RNF128: variants seen among roughly 807,000 people sequenced by gnomAD.
RNF128 encodes the protein ring finger protein 128.
Under a neutral mutation model 26.2 loss-of-function variants are expected in RNF128, and 13 were observed. The observed-to-expected ratio is 0.50, with a 90% confidence interval of 0.32 to 0.79. The LOEUF (loss-of-function observed/expected upper bound fraction) is 0.79. RNF128 is among the 30% of genes least tolerant of loss of function. RNF128 has a pLI of 0.03. For missense variants in RNF128, 315 were observed against 349.7 expected (o/e 0.90, Z 0.79); for synonymous variants, 149 against 142.5 (o/e 1.05, Z -0.32).
At chrX:106,732,536 G>T (rs754585267) in intron 1 of RNF128, among the ~76,000 whole-genome samples, 1 of 111,450 alleles carries the variant, frequency 9.0e-6, no homozygotes, top group African/African-American at 3.3e-5. Context: ...AATTCATCGA[G>T]CATTTATCAA....
At chrX:106,773,203 G>C in intron 2 of RNF128, 43 bp downstream of exon 2, 1 of 1,143,977 alleles carries the variant, frequency 8.7e-7, no homozygotes, top group Non-Finnish European at 1.2e-6. Flanking sequence ...AAAATTTACT[G>C]TTCTAATTGT....
At chrX:106,695,165 G>T (rs1462974380) in intron 1 of RNF128, among the ~76,000 whole-genome samples, 1 of 110,218 alleles carries the variant, frequency 9.1e-6, no homozygotes, top group African/African-American at 3.3e-5. Context: ...CAATGAAGAA[G>T]TAAACTTCTG....
intron 1 of RNF128, among the ~76,000 whole-genome samples, chrX:106,769,941 C>T (rs199985025): frequency 2.8e-5 from 3 of 107,671 alleles, no homozygotes; most frequent in Non-Finnish European, 1.9e-5. Flanking sequence ...GTAAGGCAGG[C>T]CTGGTGGTGA....
chrX:106,706,860 A>G (rs1006316706), intron 1 of RNF128, among the ~76,000 whole-genome samples: 2 of 112,092 alleles, frequency 1.8e-5, no homozygotes, highest in African/African-American at 6.5e-5. Context: ...AAACTACGGT[A>G]GTAGCAAGAT....
intron 1 of RNF128, among the ~76,000 whole-genome samples, chrX:106,711,693 C>T (rs928588183): frequency 9.0e-6 from 1 of 110,993 alleles, no homozygotes; most frequent in East Asian, 2.8e-4. Flanking sequence ...GTTTATTTTT[C>T]CATATTTTTT....
chrX:106,747,048 A>G (rs1424810951), intron 1 of RNF128, among the ~76,000 whole-genome samples: 1 of 112,159 alleles, frequency 8.9e-6, no homozygotes, highest in African/African-American at 3.2e-5. Context: ...ACAAAGTGGT[A>G]TAAATACACT....
At chrX:106,715,350 T>C (rs1245071646) in intron 1 of RNF128, among the ~76,000 whole-genome samples, 1 of 112,597 alleles carries the variant, frequency 8.9e-6, no homozygotes, top group Non-Finnish European at 1.9e-5. Flanking sequence ...TATTTCCTCT[T>C]TGGTGAAATG....
rs55658305 is a variant in RNF128, at chrX:106,738,815, AAATT to A, written c.484+11421_484+11424del. Among the ~76,000 whole-genome samples, 450 of 111,676 alleles carry A rather than the reference AAATT, an allele frequency of 4.0e-3. 1 individual carries two copies. The highest frequency in any genetic ancestry group is 6.1e-3 in the South Asian group (16 of 2,614). On this transcript the variant is annotated intron_variant, in intron 1 of 6. Coordinates refer to ENST00000255499, the MANE Select transcript of RNF128 (RefSeq NM_194463.2). ...ATGTCATAGGGTTATTGTGAGGTGTAAATTAAATAATATATGTACAGTGCTCAGT... is the reference window on the plus strand; with the variant it reads ...ATGTCATAGGGTTATTGTGAGGTGTAAAATAATATATGTACAGTGCTCAGT...
intron 1 of RNF128, among the ~76,000 whole-genome samples, chrX:106,711,086 T>TA (rs113608978): frequency 8.1e-4 from 90 of 111,739 alleles, no homozygotes; most frequent in African/African-American, 9.1e-4. Context: ...TAATTTTTGC[T>TA]AAAAAAAATC....
Position 106,701,611 on chromosome X carries a change from T to G in RNF128, c.406+7203T>G, listed in dbSNP as rs182382685. Among the ~76,000 whole-genome samples the G allele has an allele frequency of 2.3e-4, 26 of 111,085 alleles. 1 individual carries two copies. The highest frequency in any genetic ancestry group is 1.5e-3 in the Admixed American group (16 of 10,418). The stretch of plus-strand genomic sequence containing the variant: ...AAGAAACAATAGGTAAAAGGGACAA[T>G]TTTGGGTTATTTTCCAAATACAATT... On this transcript the variant is annotated intron_variant, in intron 1 of 6. Transcript: ENST00000324342.
chrX:106,767,806 A>T (rs1334242022), intron 1 of RNF128, among the ~76,000 whole-genome samples: 1 of 111,480 alleles, frequency 9.0e-6, no homozygotes, highest in Non-Finnish European at 1.9e-5. Flanking sequence ...TTTCAAAGGG[A>T]ATGCTTCCAG....
chrX:106,726,893 G>A lies in RNF128; in HGVS notation c.-21G>A. 8.6e-7 allele frequency: 1 copy of A among 1,157,372 alleles called. No homozygotes were observed. The highest frequency in any genetic ancestry group is 2.0e-5 in the South Asian group (1 of 50,149). On this transcript the variant is annotated 5_prime_UTR_variant, in exon 1 of 7. Transcript: ENST00000255499. ...GAGGGCGCGTGCCAGGGGCGCTAGG[G>A]AACTGCGGAGCGCGCGCGCCATGGG...
At chrX:106,793,422 T>G (rs1461990486) in intron 6 of RNF128, among the ~76,000 whole-genome samples, 3 of 111,610 alleles carry the variant, frequency 2.7e-5, no homozygotes, top group Non-Finnish European at 3.8e-5. Context: ...TCAAAAATAA[T>G]ACAAAGAATG....
At chrX:106,777,432 G>A (rs1955260152) in intron 2 of RNF128, among the ~76,000 whole-genome samples, 1 of 111,967 alleles carries the variant, frequency 8.9e-6, no homozygotes, top group South Asian at 3.7e-4. Context: ...GTTGGCTTCT[G>A]CAAGTATTAG....
At chrX:106,704,311 T>C (rs1304061400) in intron 1 of RNF128, among the ~76,000 whole-genome samples, 1 of 109,099 alleles carries the variant, frequency 9.2e-6, no homozygotes, top group Non-Finnish European at 1.9e-5. Flanking sequence ...CTGGCGCCTG[T>C]AGTCCCAGCT....
chrX:106,753,555 TCACAAAACAAC>T (rs1227001512), intron 1 of RNF128, among the ~76,000 whole-genome samples: 1 of 107,800 alleles, frequency 9.3e-6, no homozygotes, highest in Non-Finnish European at 1.9e-5. Context: ...AAGGAAGAGA[TCACAAAACAAC>T]CAGAAAACAA....
At chrX:106,749,036 AT>A (rs1285067327) in intron 1 of RNF128, among the ~76,000 whole-genome samples, 1 of 111,825 alleles carries the variant, frequency 8.9e-6, no homozygotes, top group African/African-American at 3.2e-5. Context: ...AAGGAAGTGA[AT>A]TTTTTTCTCA....
chrX:106,703,891 C>T (rs909724533), intron 1 of RNF128, among the ~76,000 whole-genome samples: 1 of 109,834 alleles, frequency 9.1e-6, no homozygotes, highest in African/African-American at 3.3e-5. Context: ...CAGAGTATGG[C>T]CATGGCAGTG....
chrX:106,698,649 T>C (rs1456195698), intron 1 of RNF128, among the ~76,000 whole-genome samples: 1 of 111,386 alleles, frequency 9.0e-6, no homozygotes, highest in Non-Finnish European at 1.9e-5. Flanking sequence ...ACTCACTCTA[T>C]CTTAGACCTC....
Sources: allele counts gnomAD v4.1 joint callset (sites outside exome capture counted in the v4.1 genomes callset), GRCh38; gene constraint gnomAD v4.1.1; transcripts MANE v1.5; gene names NCBI Gene and HGNC (gene_info 2026-07-23, HGNC 2026-07-21).